SLCO1A2: variants seen among roughly 807,000 people sequenced by gnomAD.
SLCO1A2 encodes OATP-1.
Under a neutral mutation model 69.0 loss-of-function variants are expected in SLCO1A2, and 67 were observed. The observed-to-expected ratio is 0.97, with a 90% confidence interval of 0.80 to 1.19. SLCO1A2 has a LOEUF of 1.19. SLCO1A2 is among the 50% of genes most tolerant of loss of function. SLCO1A2 has a pLI of 0.00. For synonymous variants in SLCO1A2, 260 were observed against 265.9 expected, an observed-to-expected ratio of 0.98 and a Z score of 0.22; for missense variants, 787 against 793.7, an observed-to-expected ratio of 0.99 and a Z score of 0.10.
At chr12:21,375,450 A>G (rs1326985521) in intron 1 of SLCO1A2, among the ~76,000 whole-genome samples, 4 of 152,212 alleles carry the variant, frequency 2.6e-5, no homozygotes, top group Non-Finnish European at 5.9e-5. Context: ...TAAAACTAAC[A>G]TTATTCAATG....
chr12:21,275,639 T>G (rs967972359), intron 12 of SLCO1A2, among the ~76,000 whole-genome samples: 3 of 152,088 alleles, frequency 2.0e-5, no homozygotes, highest in Admixed American at 1.3e-4. Context: ...TCACTTTTTC[T>G]TATTAATACC....
intron 2 of SLCO1A2, among the ~76,000 whole-genome samples, chr12:21,362,102 C>G (rs1008058716): frequency 2.0e-5 from 3 of 152,008 alleles, no homozygotes; most frequent in African/African-American, 7.2e-5. Context: ...GTCAGATTCA[C>G]CAAAGTTGAA....
chr12:21,382,218 A>G (rs1940628361), intron 1 of SLCO1A2, among the ~76,000 whole-genome samples: 2 of 152,216 alleles, frequency 1.3e-5, no homozygotes, highest in Admixed American at 1.3e-4. Flanking sequence ...TAAGCGAAGT[A>G]ACAACAAGAG....
rs2136009859 is a variant in SLCO1A2, at chr12:21,266,323, ATT to A, written c.*3223_*3224del. ...TCAGACTCTACTCCTTGTTGAACTG[ATT>A]TGTTATTCTTAATATATTTATTCAG... is the stretch of plus-strand genomic sequence containing the variant. On this transcript the variant is annotated 3_prime_UTR_variant, in exon 15 of 15. Coordinates refer to ENST00000683939, the MANE Select transcript of SLCO1A2 (RefSeq NM_001386879.1). 1 of 152,200 alleles carries A rather than the reference ATT, an allele frequency of 6.6e-6. No individual in the cohort carries two copies. Among genetic ancestry groups the A allele is most frequent in the South Asian group, 2.1e-4 (1 of 4,820 alleles). 9.4% of individuals were successfully genotyped at this position (152,200 alleles called of 1,614,324 possible). A position where few individuals can be genotyped will look rare whatever the true frequency, so the allele number is the denominator to read the frequency against.
Position 21,304,598 on chromosome 12 carries a change from CATT to C in SLCO1A2, c.443-28_443-26del, listed in dbSNP as rs746808792. 2.4e-5 allele frequency: 38 copies of C among 1,576,814 alleles called. No individual in the cohort carries two copies. The African/African-American group carries it at 3.7e-4, about 15-fold the overall frequency. On this transcript the variant is annotated intron_variant, in intron 5 of 14. Transcript: ENST00000683939. ...TCTGCATTAAAAAAAAAAGACATGA[CATT>C]AGTGCTTTGACGATAAAGTGTCAGT...
chr12:21,308,465 G>A (rs1949705195), intron 4 of SLCO1A2, among the ~76,000 whole-genome samples: 1 of 152,110 alleles, frequency 6.6e-6, no homozygotes, highest in African/African-American at 2.4e-5. Flanking sequence ...AACAATAAGA[G>A]TGCAAACATT....
At chr12:21,382,029 T>C (rs564309653) in intron 1 of SLCO1A2, among the ~76,000 whole-genome samples, 1 of 152,168 alleles carries the variant, frequency 6.6e-6, no homozygotes, top group Non-Finnish European at 1.5e-5. Context: ...CTTGCACACA[T>C]ATGTTTATAG....
chr12:21,406,858 T>C (rs1308406366), intron 1 of SLCO1A2, among the ~76,000 whole-genome samples: 1 of 152,194 alleles, frequency 6.6e-6, no homozygotes, highest in Non-Finnish European at 1.5e-5. Flanking sequence ...CTTTCTTTTG[T>C]TGAAATATGT....
chr12:21,350,211 T>C (rs557058880), intron 2 of SLCO1A2, among the ~76,000 whole-genome samples: 6 of 152,098 alleles, frequency 3.9e-5, no homozygotes, highest in Admixed American at 2.6e-4. Flanking sequence ...GTCTTAAGAC[T>C]TATGTATATA....
At chr12:21,326,191 A>G (rs73237235) in intron 2 of SLCO1A2, among the ~76,000 whole-genome samples, 8,580 of 152,268 alleles carry the variant, frequency 0.056, 776 homozygotes, top group African/African-American at 0.19. Context: ...TGCATCTTCC[A>G]TCATGACTGT....
At chr12:21,397,154 C>T (rs1376981377), upstream of SLCO1A2, among the ~76,000 whole-genome samples, 2 of 151,834 alleles carry the variant, frequency 1.3e-5, no homozygotes, top group Non-Finnish European at 2.9e-5. Flanking sequence ...CACACATAGG[C>T]TCAAAATAAA....
exon 1 of SLCO1A2, chr12:21,395,282 G>T (rs1458944383): frequency 6.5e-6 from 1 of 152,672 alleles, no homozygotes; most frequent in Admixed American, 6.5e-5. Flanking sequence ...GGAAAATCGG[G>T]TCACTCCCAC....
chr12:21,395,756 G>A (rs1289534075), upstream of SLCO1A2, among the ~76,000 whole-genome samples: 3 of 152,132 alleles, frequency 2.0e-5, no homozygotes, highest in African/African-American at 7.2e-5. Context: ...CCCCCCAGCA[G>A]GGGCACACTG....
At chr12:21,317,263 CCTG>C (rs1303784388) in intron 3 of SLCO1A2, among the ~76,000 whole-genome samples, 1 of 152,146 alleles carries the variant, frequency 6.6e-6, no homozygotes, top group Non-Finnish European at 1.5e-5. Flanking sequence ...ATTTCTCACC[CCTG>C]CCCATTTCTG....
intron 6 of SLCO1A2, among the ~76,000 whole-genome samples, chr12:21,303,283 TAAAG>T (rs1948950969): frequency 6.6e-6 from 1 of 152,182 alleles, no homozygotes. Context: ...ATTTGTTGAA[TAAAG>T]AAACAGATGT....
chr12:21,418,546 T>C (rs866961954), upstream of SLCO1A2, among the ~76,000 whole-genome samples: 1 of 152,092 alleles, frequency 6.6e-6, no homozygotes, highest in African/African-American at 2.4e-5. Flanking sequence ...TGTCTTAGAT[T>C]GCGGCAGACA....
intron 2 of SLCO1A2, among the ~76,000 whole-genome samples, chr12:21,342,947 A>C (rs1953123838): frequency 6.6e-6 from 1 of 152,024 alleles, no homozygotes; most frequent in Non-Finnish European, 1.5e-5. Flanking sequence ...AGTACACTCA[A>C]TTTCAACATG....
At chr12:21,279,659 G>T (rs968933549) in intron 12 of SLCO1A2, among the ~76,000 whole-genome samples, 3 of 152,162 alleles carry the variant, frequency 2.0e-5, no homozygotes, top group Admixed American at 2.0e-4. Flanking sequence ...AACACTGAGG[G>T]ATTTCATCAA....
intron 1 of SLCO1A2, among the ~76,000 whole-genome samples, chr12:21,414,904 T>C (rs887157578): frequency 6.6e-5 from 10 of 152,142 alleles, no homozygotes; most frequent in African/African-American, 2.4e-4. Context: ...GATGATATAT[T>C]GTATTCCTAA....
Sources: allele counts gnomAD v4.1 joint callset (sites outside exome capture counted in the v4.1 genomes callset), GRCh38; gene constraint gnomAD v4.1.1; transcripts MANE v1.5; gene names NCBI Gene and HGNC (gene_info 2026-07-23, HGNC 2026-07-21).